The following CFAP44 variants were observed in gnomAD, a reference collection of about 807,000 sequenced individuals.
The protein encoded by CFAP44 is cilia and flagella associated protein 44.
Under a neutral mutation model 216.2 loss-of-function variants are expected in CFAP44, and 134 were observed. The observed-to-expected ratio is 0.62, with a 90% CI of 0.54 to 0.72. The LOEUF (loss-of-function observed/expected upper bound fraction) is 0.72. Ranked by LOEUF, CFAP44 falls within the 30% of genes least tolerant of loss-of-function variation. The pLI is 0.00. For missense variants in CFAP44, 2,035 were observed against 2,182.1 expected (o/e 0.93, Z 1.34); for synonymous variants, 700 against 727.6 (o/e 0.96, Z 0.61).
At chr3:113,293,828 G>A (rs931918177) in intron 34 of CFAP44, 5 of 295,460 alleles carry the variant, frequency 1.7e-5, no homozygotes, top group Non-Finnish European at 3.4e-5. Flanking sequence ...CTTTTGTTTA[G>A]ACCAGTGATT....
chr3:113,373,694 T>C (rs570591236), intron 17 of CFAP44, 138 bp from the exon 18 acceptor site: 1 of 686,180 alleles, frequency 1.5e-6, no homozygotes, highest in Non-Finnish European at 2.1e-6. Context: ...ATTTCTATGA[T>C]TATAGATTTA....
At chr3:113,414,683 A>T (rs1934592088) in intron 6 of CFAP44, among the ~76,000 whole-genome samples, 1 of 152,176 alleles carries the variant, frequency 6.6e-6, no homozygotes, top group South Asian at 2.1e-4. Flanking sequence ...TGTATGTTGA[A>T]CCAGCCTTGC....
intron 22 of CFAP44, among the ~76,000 whole-genome samples, chr3:113,345,760 C>T (rs1267623390): frequency 2.0e-5 from 3 of 152,108 alleles, no homozygotes; most frequent in South Asian, 4.1e-4. Flanking sequence ...TTATCACACA[C>T]ACACAAACAA....
At chr3:113,361,654 C>T (rs1206548165) in intron 21 of CFAP44, among the ~76,000 whole-genome samples, 3 of 151,600 alleles carry the variant, frequency 2.0e-5, no homozygotes, top group Admixed American at 2.0e-4. Context: ...CACCACCACA[C>T]CTGGCTAATT....
chr3:113,348,809 T>A (rs1015923934), intron 22 of CFAP44, among the ~76,000 whole-genome samples: 5 of 152,214 alleles, frequency 3.3e-5, no homozygotes, highest in Non-Finnish European at 7.3e-5. Context: ...AGTTTTCAGA[T>A]GATCCCGATA....
chr3:113,389,172 T>C (rs908271278), intron 15 of CFAP44, among the ~76,000 whole-genome samples: 2 of 152,212 alleles, frequency 1.3e-5, no homozygotes, highest in African/African-American at 4.8e-5. Flanking sequence ...TTATATCAAG[T>C]ATCTTCTCTG....
In CFAP44 at chr3:113,410,562, G is replaced by A. The variant is rs189907997; in HGVS notation, c.674-1240C>T. On this transcript the variant is annotated intron_variant, in intron 6 of 34. Transcript: ENST00000393845. ...CCGTCTATCATTGATGGACATTTGG[G>A]TTGGTTCCAGGTCTTTGCTATTGTG... Among the ~76,000 whole-genome samples, 656 of 152,284 alleles carry A rather than the reference G, an allele frequency of 4.3e-3. 9 individuals are homozygous for A. Among genetic ancestry groups the A allele is most frequent in the Non-Finnish European group, 3.9e-3 (264 of 68,028 alleles).
intron 4 of CFAP44, among the ~76,000 whole-genome samples, chr3:113,424,101 C>T (rs535134816): frequency 2.0e-5 from 3 of 152,274 alleles, no homozygotes; most frequent in Admixed American, 2.0e-4. Context: ...TTAGGCTAAA[C>T]TTGATTTAAC....
chr3:113,361,509 T>C (rs1464319324), intron 21 of CFAP44, among the ~76,000 whole-genome samples: 2 of 151,266 alleles, frequency 1.3e-5, no homozygotes, highest in African/African-American at 4.9e-5. Flanking sequence ...TTTTTTTTTT[T>C]TTTGAGATGG....
At chr3:113,321,945 G>A (rs981081825) in intron 28 of CFAP44, among the ~76,000 whole-genome samples, 3 of 152,088 alleles carry the variant, frequency 2.0e-5, no homozygotes. Flanking sequence ...ATCCTCCAAA[G>A]CAATATACAG....
At chr3:113,328,593 A>G (rs1950209220) in intron 26 of CFAP44, among the ~76,000 whole-genome samples, 1 of 150,648 alleles carries the variant, frequency 6.6e-6, no homozygotes, top group African/African-American at 2.4e-5. Context: ...GGTGGCCTCA[A>G]CTGTCAAAAG....
rs753427680 is a variant in CFAP44 at position 113,427,240 on chromosome 3, C to T, written c.200G>A (p.Arg67His). Residue 67 changes from arginine (R) to histidine (H), a missense_variant, in exon 3 of 35, where the codon CGT (arginine) becomes CAT (histidine). This residue lies in a region of CFAP44 where 149 missense variants were observed against 141.8 expected (regional missense o/e 1.05). Coordinates refer to ENST00000393845, the MANE Select transcript of CFAP44 (RefSeq NM_001164496.2). ...SYLEEDSDEE[R>H]LEGSLSSFQY... Reference sequence around the variant, plus strand: ...AAATGAACTCAAACTTCCTTCCAAACGTTCCTCATCTGAGTCTTCTTCTAA... The same window carrying T: ...AAATGAACTCAAACTTCCTTCCAAATGTTCCTCATCTGAGTCTTCTTCTAA... 16 of 1,613,422 alleles carry T rather than the reference C, an allele frequency of 9.9e-6. No homozygotes were observed. The highest frequency in any genetic ancestry group is 6.7e-5 in the African/African-American group (5 of 74,912).
Position 113,326,575 on chromosome 3 carries a change from C to T in CFAP44, c.4386G>A (p.Glu1462=). 3 of 1,531,962 alleles carry T rather than the reference C, an allele frequency of 2.0e-6. No homozygotes were observed. Among genetic ancestry groups the T allele is most frequent in the Non-Finnish European group, 2.6e-6 (3 of 1,145,374 alleles). The allele number at this position is 1,531,962 out of a possible 1,614,324, so 94.9% of individuals were successfully genotyped here. The change falls in exon 28 of 35, where the codon GAG becomes GAA. Residue 1462 remains glutamate, a synonymous_variant. Coordinates refer to ENST00000393845, the MANE Select transcript of CFAP44 (RefSeq NM_001164496.2). ...AACCAGCATAGAGTGCCTTTTCTTGCTCCTGGAGTTTGGTGATTTCATTCT... is the reference window on the plus strand; with the variant it reads ...AACCAGCATAGAGTGCCTTTTCTTGTTCCTGGAGTTTGGTGATTTCATTCT... ...EKKNEITKLQ[E]QEKALYAGFQ...
chr3:113,420,161 G>A lies in CFAP44; in HGVS notation c.426C>T (p.Asp142=). Residue 142 remains aspartate, a synonymous_variant, in exon 5 of 35, where the codon GAC becomes GAT. Transcript: ENST00000393845. ...GTTGTAGGTTGGCTCGCTTTCTACAGTCATAACCAAAAGAATGTCTGAGGG... is the reference window on the plus strand; with the variant it reads ...GTTGTAGGTTGGCTCGCTTTCTACAATCATAACCAAAAGAATGTCTGAGGG... ...LLTLVHSFGY[D]CRKRANLQLL... is the part of the protein sequence containing the mutation. 6.2e-7 allele frequency: 1 copy of A among 1,611,746 alleles called. No individual in the cohort carries two copies. The highest frequency in any genetic ancestry group is 8.5e-7 in the Non-Finnish European group (1 of 1,178,878).
At position 113,330,230 on chromosome 3, in the gene CFAP44, G is replaced by A; in HGVS notation, c.4054C>T (p.Leu1352=). The part of the protein sequence containing the change: ...FEKAEPTDVE[L]EIMKRDEIKH... ...ATCTCGTCTCTCTTCATAATTTCCA[G>A]CTCCACATCCGTTGGCTCTGCTTTT... Residue 1352 remains leucine, a synonymous_variant, in exon 26 of 35, where the codon CTG becomes TTG. Coordinates refer to ENST00000393845, the MANE Select transcript of CFAP44 (RefSeq NM_001164496.2). 6.5e-7 allele frequency: 1 copy of A among 1,537,566 alleles called. No homozygotes were observed. The highest frequency in any genetic ancestry group is 1.2e-5 in the South Asian group (1 of 84,032).
chr3:113,313,577 A>T (rs1429666159), intron 28 of CFAP44, among the ~76,000 whole-genome samples: 1 of 152,122 alleles, frequency 6.6e-6, no homozygotes, highest in Non-Finnish European at 1.5e-5. Flanking sequence ...CTGTGTCCCC[A>T]TTGAAATCTC....
chr3:113,411,106 T>C (rs2107376185), intron 6 of CFAP44, among the ~76,000 whole-genome samples: 1 of 152,316 alleles, frequency 6.6e-6, no homozygotes, highest in Non-Finnish European at 1.5e-5. Context: ...GCCTGTTCAC[T>C]CTGATGGTAG....
chr3:113,313,255 T>C (rs1950056507), intron 28 of CFAP44, among the ~76,000 whole-genome samples: 1 of 152,154 alleles, frequency 6.6e-6, no homozygotes, highest in Non-Finnish European at 1.5e-5. Flanking sequence ...GTGACTGCCC[T>C]GCTGGATTTC....
At chr3:113,391,988 C>T (rs567219334) in intron 15 of CFAP44, among the ~76,000 whole-genome samples, 1 of 152,134 alleles carries the variant, frequency 6.6e-6, no homozygotes, top group Non-Finnish European at 1.5e-5. Context: ...TTTGGGGTTC[C>T]TCAAAAAAAC....
Sources: allele counts gnomAD v4.1 joint callset (sites outside exome capture counted in the v4.1 genomes callset), GRCh38; gene constraint gnomAD v4.1.1; regional missense constraint gnomAD v4.1.1; transcripts MANE v1.5; gene names NCBI Gene and HGNC (gene_info 2026-07-23, HGNC 2026-07-21).